Variants in AFDN observed in about 807,000 individuals in gnomAD.
AFDN encodes afadin.
Under a neutral mutation model 216.6 loss-of-function variants are expected in AFDN, and 68 were observed. The ratio of observed to expected loss-of-function variants is 0.31; its 90% CI spans 0.26 to 0.38. The LOEUF (loss-of-function observed/expected upper bound fraction) is 0.38, where lower values mean the gene tolerates loss of function less well. Ranked by LOEUF, AFDN falls within the 10% of genes least tolerant of loss-of-function variation. The pLI, the probability that AFDN is intolerant of heterozygous loss-of-function variation, is 1.00. For missense variants in AFDN, 2,136 were observed against 2,342.0 expected (o/e 0.91, Z 1.82); for synonymous variants, 868 against 853.7 (o/e 1.02, Z -0.29).
rs150385783 is a variant in AFDN at position 167,901,295 on chromosome 6, T to C, written c.1581-1022T>C. ...TCATCCTTGTTGGTTTCCAGGTGTT[T>C]TTAGGGCTTTTTTTTGTGGAGGTGG... On this transcript the variant is annotated intron_variant, in intron 11 of 33. Transcript: ENST00000683244. Among the ~76,000 whole-genome samples the C allele has an allele frequency of 1.5e-3, 235 of 152,108 alleles. 5 individuals carry two copies. The highest frequency in any genetic ancestry group is 2.7e-3 in the East Asian group (14 of 5,180).
Position 167,943,130 on chromosome 6 carries a change from G to A in AFDN, c.3101G>A (p.Gly1034Asp). ...GMGLSIVAAK[G>D]AGQDKLGIYV... The stretch of plus-strand genomic sequence containing the variant: ...GTTTTCGCCTTGTTTTTGCAATAGG[G>A]TGCTGGTCAAGATAAACTAGGAATC... Residue 1034 changes from glycine (G) to aspartate (D), a missense_variant and splice_region_variant, in exon 24 of 34, where the codon GGT becomes GAT. Gly to Asp is a moderately conservative substitution (Grantham distance 94). Transcript: ENST00000683244. 1.2e-6 allele frequency: 2 copies of A among 1,613,464 alleles called. No homozygotes were observed. The highest frequency in any genetic ancestry group is 1.7e-6 in the Non-Finnish European group (2 of 1,179,704).
chr6:167,864,910 C>T, intron 2 of AFDN, 164 bp downstream of exon 2: 1 of 789,140 alleles, frequency 1.3e-6, no homozygotes, highest in Non-Finnish European at 2.3e-6. Context: ...TGTTTTATGT[C>T]TGGGAAGTGT....
chr6:167,938,708 T>C (rs1794318338), intron 23 of AFDN, among the ~76,000 whole-genome samples: 1 of 152,162 alleles, frequency 6.6e-6, no homozygotes, highest in Non-Finnish European at 1.5e-5. Flanking sequence ...AGCTTGCACG[T>C]TGGCTGTCTG....
intron 1 of AFDN, among the ~76,000 whole-genome samples, chr6:167,844,784 T>G (rs1015517406): frequency 1.1e-4 from 16 of 152,092 alleles, no homozygotes; most frequent in Non-Finnish European, 2.1e-4. Context: ...TAAAAAGTAA[T>G]GTGTCATTGG....
chr6:167,911,475 G>A lies in AFDN; in HGVS notation c.2023G>A (p.Glu675Lys). The change falls in exon 15 of 34, where the codon GAG (glutamate) becomes AAG (lysine). Residue 675 changes from glutamate to lysine, a missense_variant. Glu to Lys is a moderately conservative substitution (Grantham distance 56). Coordinates refer to ENST00000683244, the MANE Select transcript of AFDN (RefSeq NM_001386888.1). ...CGTCAACAAGATGGTGAGCATGATG[G>A]AGGGTGTCATCCAGGTACGTTCCAG... Reference protein sequence around the residue: ...AVVNKMVSMMEGVIQEVDQVD... With the variant: ...AVVNKMVSMMKGVIQEVDQVD... The A allele has an allele frequency of 1.2e-6, 2 of 1,614,134 alleles. No individual in the cohort carries two copies. Among genetic ancestry groups the A allele is most frequent in the Middle Eastern group, 1.6e-4 (1 of 6,062 alleles).
chr6:167,863,659 G>T (rs749636849), intron 1 of AFDN: 7 of 398,770 alleles, frequency 1.8e-5, no homozygotes, highest in Non-Finnish European at 3.5e-5. Flanking sequence ...TGGAATTTTT[G>T]TTGGGAGTTG....
At chr6:167,840,264 G>A (rs1296498297) in intron 1 of AFDN, among the ~76,000 whole-genome samples, 1 of 152,214 alleles carries the variant, frequency 6.6e-6, no homozygotes, top group Non-Finnish European at 1.5e-5. Context: ...GAATCTGTGC[G>A]CAGACATGTG....
chr6:167,953,089 A>G (rs1796170351), intron 30 of AFDN, among the ~76,000 whole-genome samples: 2 of 152,200 alleles, frequency 1.3e-5, no homozygotes, highest in African/African-American at 4.8e-5. Flanking sequence ...AGAGAATGCT[A>G]TTGACCATAT....
At chr6:167,918,661 CT>C (rs1791410237) in intron 20 of AFDN, 73 bp from the exon 21 acceptor site, 8 of 1,364,724 alleles carry the variant, frequency 5.9e-6, no homozygotes, top group Non-Finnish European at 8.3e-6. Context: ...AGCAGACAGC[CT>C]TTGAATAGTT....
chr6:167,952,389 T>A, intron 30 of AFDN: 1 of 1,460,984 alleles, frequency 6.8e-7, no homozygotes, highest in Non-Finnish European at 9.0e-7. Context: ...TTTTAAGACA[T>A]GCTTTGACAA....
intron 1 of AFDN, among the ~76,000 whole-genome samples, chr6:167,835,666 T>G (rs1353035299): frequency 6.6e-6 from 1 of 152,248 alleles, no homozygotes; most frequent in African/African-American, 2.4e-5. Flanking sequence ...TGCTACTGCC[T>G]TGATTTGGTG....
In AFDN at chr6:167,919,040, C is replaced by G. The variant is rs557769292; in HGVS notation, c.2908+107C>G. The stretch of plus-strand genomic sequence containing the variant: ...GTCCACTTGTGTGGGAGTGCACCCT[C>G]GTGCTGTCTGGAGAAGTCCGTGTTC... On this transcript the variant is annotated intron_variant, in intron 21 of 33. Transcript: ENST00000683244. The G allele has an allele frequency of 5.3e-5, 49 of 932,916 alleles. 1 individual carries two copies. The East Asian group carries it at 1.3e-3, about 24-fold the overall frequency. The allele number at this position is 932,916 out of a possible 1,614,324, so 57.8% of individuals were successfully genotyped here.
chr6:167,969,278 G>A (rs1797852527), intron 33 of AFDN, 80 bp downstream of exon 33: 1 of 1,070,460 alleles, frequency 9.3e-7, no homozygotes, highest in Admixed American at 1.8e-5. Context: ...TTGAGATTAT[G>A]TAAACAGACT....
chr6:167,907,455 C>T (rs753411016), intron 13 of AFDN, among the ~76,000 whole-genome samples, 166 bp downstream of exon 13: 1 of 152,068 alleles, frequency 6.6e-6, no homozygotes, highest in Non-Finnish European at 1.5e-5. Flanking sequence ...GAAAGAAATG[C>T]TTTACCAATA....
intron 23 of AFDN, among the ~76,000 whole-genome samples, chr6:167,933,414 C>A (rs964970946): frequency 6.6e-6 from 1 of 152,188 alleles, no homozygotes; most frequent in Non-Finnish European, 1.5e-5. Context: ...CAGTTTCTCG[C>A]ATAAACTGTA....
At chr6:167,828,203 T>C (rs1323943315) in intron 1 of AFDN, among the ~76,000 whole-genome samples, 2 of 152,254 alleles carry the variant, frequency 1.3e-5, no homozygotes, top group Non-Finnish European at 2.9e-5. Context: ...TTTGATTTGT[T>C]GTAATAGGTA....
chr6:167,929,093 A>G (rs1385981843), intron 23 of AFDN, among the ~76,000 whole-genome samples: 2 of 152,162 alleles, frequency 1.3e-5, no homozygotes, highest in African/African-American at 2.4e-5. Context: ...TTTCAAGACT[A>G]GGTTCTTTGT....
intron 1 of AFDN, among the ~76,000 whole-genome samples, chr6:167,840,458 A>C (rs1780938416): frequency 6.6e-6 from 1 of 152,188 alleles, no homozygotes; most frequent in South Asian, 2.1e-4. Context: ...TGGTTCTGTC[A>C]TTGCCTTTTT....
At chr6:167,915,105 C>T in intron 18 of AFDN, 63 bp from the exon 19 acceptor site, 1 of 1,555,096 alleles carries the variant, frequency 6.4e-7, no homozygotes, top group South Asian at 1.2e-5. Flanking sequence ...ATCTGCTGCA[C>T]ATTCAAAGGC....
Sources: allele counts gnomAD v4.1 joint callset (sites outside exome capture counted in the v4.1 genomes callset), GRCh38; gene constraint gnomAD v4.1.1; transcripts MANE v1.5; gene names NCBI Gene and HGNC (gene_info 2026-07-23, HGNC 2026-07-21).